Variants in ISLR2 observed in about 807,000 individuals in gnomAD.
ISLR2 encodes immunoglobulin superfamily containing leucine rich repeat 2, also known as immunoglobulin superfamily containing leucine-rich repeat protein 2.
Under a neutral mutation model 25.5 loss-of-function variants are expected in ISLR2, and 16 were observed. The observed-to-expected ratio is 0.63, with a 90% confidence interval of 0.43 to 0.95. The LOEUF (loss-of-function observed/expected upper bound fraction) is 0.95, where lower values mean the gene tolerates loss of function less well. Ranked by LOEUF, ISLR2 falls within the 40% of genes least tolerant of loss-of-function variation. ISLR2 has a pLI of 0.00. For missense variants in ISLR2, 883 were observed against 1,030.7 expected (o/e 0.86, Z 1.96); for synonymous variants, 508 against 486.6 (o/e 1.04, Z -0.58).
upstream of ISLR2, chr15:74,128,537 T>G (rs1350851993): frequency 2.2e-6 from 1 of 456,434 alleles, no homozygotes. Flanking sequence ...AGTTTCGGGG[T>G]TGCTTATAGG....
intron 2 of ISLR2, among the ~76,000 whole-genome samples, chr15:74,115,887 T>C (rs2072206011): frequency 7.3e-6 from 1 of 136,394 alleles, no homozygotes; most frequent in East Asian, 2.1e-4. Flanking sequence ...ATAGAAGATA[T>C]ATTGAAAAAA....
At chr15:74,113,343 G>T (rs536229584) in intron 2 of ISLR2, among the ~76,000 whole-genome samples, 131 of 152,290 alleles carry the variant, frequency 8.6e-4, no homozygotes, top group Non-Finnish European at 1.4e-3. Flanking sequence ...TAGAGATGGG[G>T]TTATGCCATG....
upstream of ISLR2, among the ~76,000 whole-genome samples, chr15:74,125,190 G>GC (rs2072284651): frequency 2.0e-5 from 3 of 152,136 alleles, no homozygotes; most frequent in South Asian, 6.3e-4. Context: ...TTTGCATCCC[G>GC]CCCCCCTTAC....
In ISLR2 at chr15:74,135,843, G is replaced by T. The variant is rs1250422291; in HGVS notation, c.*851G>T. 1 of 167,018 alleles carries T rather than the reference G, an allele frequency of 6.0e-6. No homozygotes were observed. Among genetic ancestry groups the T allele is most frequent in the Non-Finnish European group, 1.5e-5 (1 of 68,170 alleles). 10.3% of individuals were successfully genotyped at this position (167,018 alleles called of 1,614,324 possible). On this transcript the variant is annotated 3_prime_UTR_variant, in exon 3 of 3. Coordinates refer to ENST00000453268, the MANE Select transcript of ISLR2 (RefSeq NM_020851.3). ...TCCCTACTCCCAGAAGCCGGGATTC[G>T]TGGCAACCCCTAGTTTTTAGTTCCA...
chr15:74,108,840 G>A (rs1461470203), intron 2 of ISLR2, among the ~76,000 whole-genome samples: 1 of 152,166 alleles, frequency 6.6e-6, no homozygotes, highest in Non-Finnish European at 1.5e-5. Context: ...CCCACAGGAG[G>A]TGCTGGTGGG....
At position 74,133,316 on chromosome 15, in the gene ISLR2, G is replaced by A. The variant is rs768198091; in HGVS notation, c.562G>A (p.Gly188Ser). 3.7e-6 allele frequency: 6 copies of A among 1,609,828 alleles called. No individual in the cohort carries two copies. In the African/African-American group the frequency reaches 4.0e-5, roughly 11 times the overall value. ...TCACAATCCCTTCCACTGCGGCTGCGGCCTTGTGTGGCTGCAGGCCTGGGC... is the reference window on the plus strand; with the variant it reads ...TCACAATCCCTTCCACTGCGGCTGCAGCCTTGTGTGGCTGCAGGCCTGGGC... ...LYHNPFHCGC[G>S]LVWLQAWAAS... The change falls in exon 3 of 3, where the codon GGC (glycine) becomes AGC (serine). Residue 188 changes from glycine to serine, a missense_variant. By Grantham distance (56) the Gly-to-Ser change is moderately conservative. This residue lies in a region of ISLR2 where 271 missense variants were observed against 387.9 expected (regional missense o/e 0.70). Coordinates refer to ENST00000453268, the MANE Select transcript of ISLR2 (RefSeq NM_020851.3).
intron 2 of ISLR2, among the ~76,000 whole-genome samples, chr15:74,121,490 T>C (rs548679958): frequency 1.3e-5 from 2 of 152,092 alleles, no homozygotes; most frequent in Non-Finnish European, 1.5e-5. Context: ...GCACCCTTCC[T>C]CAGCTTGGAT....
upstream of ISLR2, chr15:74,130,194 G>C (rs1404060297): frequency 1.6e-5 from 2 of 126,572 alleles, no homozygotes; most frequent in Admixed American, 1.8e-4. Flanking sequence ...TGTCGGGTTA[G>C]ACTAGCAGGC....
chr15:74,111,011 G>T (rs147797906), intron 2 of ISLR2, among the ~76,000 whole-genome samples: 1,852 of 151,526 alleles, frequency 0.012, 49 homozygotes, highest in African/African-American at 0.042. Flanking sequence ...GTGTTGGTGG[G>T]TGCCTATAAT....
upstream of ISLR2, chr15:74,130,347 C>T (rs1363308016): frequency 9.9e-5 from 15 of 151,820 alleles, no homozygotes; most frequent in Non-Finnish European, 5.9e-5. Context: ...GGGGAGGAGG[C>T]GGCTAGCAGC....
At chr15:74,124,973 C>T (rs962366289), upstream of ISLR2, among the ~76,000 whole-genome samples, 8 of 152,126 alleles carry the variant, frequency 5.3e-5, no homozygotes, top group Non-Finnish European at 1.2e-4. Flanking sequence ...CTTTGTGAGA[C>T]GATACACTTA....
At chr15:74,129,110 T>C (rs2072349725), upstream of ISLR2, 1 of 454,428 alleles carries the variant, frequency 2.2e-6, no homozygotes, top group Non-Finnish European at 4.4e-6. This position sits in a 1 kb window ranked among gnomAD's most constrained non-coding sequence, Gnocchi z 4.5. Flanking sequence ...GGGGGGGGAC[T>C]CCAGGCCCGA....
chr15:74,118,803 G>A (rs2072230918), intron 2 of ISLR2, among the ~76,000 whole-genome samples: 1 of 151,936 alleles, frequency 6.6e-6, no homozygotes, highest in South Asian at 2.1e-4. Flanking sequence ...GACTACAGGT[G>A]TCCGCTACCA....
At position 74,134,235 on chromosome 15, in the gene ISLR2, C is replaced by A; in HGVS notation, c.1481C>A (p.Ala494Glu). 6.3e-7 allele frequency: 1 copy of A among 1,595,712 alleles called. No individual in the cohort carries two copies. Among genetic ancestry groups the A allele is most frequent in the South Asian group, 1.1e-5 (1 of 88,352 alleles). ...FELGVIALDV[A>E]EREARVQLTP... ...CTGGGCGTCATCGCGCTGGATGTGG[C>A]GGAGCGCGAGGCGCGGGTGCAGCTG... Residue 494 changes from alanine (A) to glutamate (E), a missense_variant, in exon 3 of 3, where the codon GCG (alanine) becomes GAG (glutamate). Transcript: ENST00000453268.
At chr15:74,106,398 C>G (rs1009008051) in intron 2 of ISLR2, among the ~76,000 whole-genome samples, 1 of 152,124 alleles carries the variant, frequency 6.6e-6, no homozygotes, top group Non-Finnish European at 1.5e-5. Context: ...CCAAGCTCTG[C>G]CTCATTATGG....
chr15:74,116,175 C>A (rs966520323), intron 2 of ISLR2, among the ~76,000 whole-genome samples: 1 of 152,232 alleles, frequency 6.6e-6, no homozygotes, highest in South Asian at 2.1e-4. Context: ...CCAGCCTGGG[C>A]ACATAGTGAG....
At chr15:74,102,344 T>C (rs1048208744) in intron 1 of ISLR2, among the ~76,000 whole-genome samples, 21 of 128,910 alleles carry the variant, frequency 1.6e-4, no homozygotes, top group Non-Finnish European at 2.8e-4. Flanking sequence ...AAAACTGTCT[T>C]ATCTTAAGAG....
In ISLR2 at chr15:74,136,105, G is replaced by A. The variant is rs1252201881; in HGVS notation, c.*1113G>A. 1.2e-5 allele frequency: 2 copies of A among 166,606 alleles called. No individual in the cohort carries two copies. The highest frequency in any genetic ancestry group is 4.8e-5 in the African/African-American group (2 of 41,468). 10.3% of individuals were successfully genotyped at this position (166,606 alleles called of 1,614,324 possible). ...GTAGGGAGGGAATGCGTTTTCTGTC[G>A]TCTCTCTCCTAACTTAAAGCGCCGC... On this transcript the variant is annotated 3_prime_UTR_variant, in exon 3 of 3. Transcript: ENST00000453268.
rs1479462037 is a variant in ISLR2 at position 74,133,297 on chromosome 15, T to C, written c.543T>C (p.Asn181=). 6.8e-6 allele frequency: 11 copies of C among 1,610,664 alleles called. No homozygotes were observed. Among genetic ancestry groups the C allele is most frequent in the Non-Finnish European group, 9.3e-6 (11 of 1,179,914 alleles). The change falls in exon 3 of 3, where the codon AAT becomes AAC. Residue 181 remains asparagine (N), a synonymous_variant. Coordinates refer to ENST00000453268, the MANE Select transcript of ISLR2 (RefSeq NM_020851.3). The part of the protein sequence containing the change: ...SALSHLQLYH[N]PFHCGCGLVW... ...TGTCACACTTGCAACTCTATCACAA[T>C]CCCTTCCACTGCGGCTGCGGCCTTG...
Sources: allele counts gnomAD v4.1 joint callset (sites outside exome capture counted in the v4.1 genomes callset), GRCh38; gene constraint gnomAD v4.1.1; regional missense constraint gnomAD v4.1.1; non-coding constraint Gnocchi (gnomAD v3.1); transcripts MANE v1.5; gene names NCBI Gene and HGNC (gene_info 2026-07-23, HGNC 2026-07-21).